SFMBT1: variants seen among roughly 807,000 people sequenced by gnomAD.
The protein encoded by SFMBT1 is scm-like with four MBT domains protein 1.
A neutral mutation model predicts 108.7 loss-of-function variants in SFMBT1; 32 were observed. That is an observed-to-expected ratio of 0.29 (90% confidence interval 0.22 to 0.40). SFMBT1 has a LOEUF of 0.40. SFMBT1 is among the 10% of genes least tolerant of loss of function. The pLI is 1.00. For missense variants in SFMBT1, 816 were observed against 1,059.6 expected, an observed-to-expected ratio of 0.77 and a Z score of 3.19; for synonymous variants, 348 against 369.5, an observed-to-expected ratio of 0.94 and a Z score of 0.67.
chr3:52,972,810 G>A lies in SFMBT1; in HGVS notation c.-130-3552C>T, dbSNP rs1421662236. Reference sequence around the variant, plus strand: ...ACACACACTAGCTGAGTGTGGTGGCGGGCCAATGTGGTAAAACCCCATCTC... The same window carrying A: ...ACACACACTAGCTGAGTGTGGTGGCAGGCCAATGTGGTAAAACCCCATCTC... On this transcript the variant is annotated intron_variant, in intron 1 of 20. Transcript: ENST00000394752. 1.2e-4 allele frequency among the ~76,000 whole-genome samples: 17 copies of A among 140,910 alleles called. No individual in the cohort carries two copies. In the South Asian group the frequency reaches 3.3e-3, roughly 27 times the overall value. 92.4% of individuals were successfully genotyped at this position (140,910 alleles called of 152,430 possible).
intron 9 of SFMBT1, 97 bp downstream of exon 9, chr3:52,928,094 G>C (rs964010808): frequency 1.4e-6 from 2 of 1,478,862 alleles, no homozygotes; most frequent in Non-Finnish European, 1.8e-6. Context: ...GGCTAGGGCA[G>C]GAGGAGAGGG....
intron 1 of SFMBT1, among the ~76,000 whole-genome samples, chr3:52,982,247 A>T (rs904567441): frequency 6.6e-6 from 1 of 152,240 alleles, no homozygotes; most frequent in African/African-American, 2.4e-5. Context: ...TGGAAGGATT[A>T]CACTATTGAA....
Position 52,905,140 on chromosome 3 carries a change from T to G in SFMBT1, c.2597A>C (p.Asn866Thr), listed in dbSNP as rs139862995. The change falls in exon 21 of 21, where the codon AAC becomes ACC. Residue 866 changes from asparagine (N) to threonine (T), a missense_variant. Asn to Thr is a moderately conservative substitution (Grantham distance 65, BLOSUM62 0). Around this residue, in one of 5 missense-constraint regions of SFMBT1, gnomAD observed 49 missense variants for 91.8 expected, o/e 0.53. Coordinates refer to ENST00000394752, the MANE Select transcript of SFMBT1 (RefSeq NM_016329.4). ...AGCTCACTTTGGTTGTCCTTCTCAGTTGGCAAACTGCTCATAAAAAGCAAA... is the reference window on the plus strand; with the variant it reads ...AGCTCACTTTGGTTGTCCTTCTCAGGTGGCAAACTGCTCATAAAAAGCAAA... ...IKFAFYEQFA[N>T] 18 of 1,613,670 alleles carry G rather than the reference T, an allele frequency of 1.1e-5. No homozygotes were observed. The highest frequency in any genetic ancestry group is 1.7e-4 in the Middle Eastern group (1 of 6,056).
At chr3:52,961,418 T>C (rs1210912528) in intron 2 of SFMBT1, among the ~76,000 whole-genome samples, 1 of 152,010 alleles carries the variant, frequency 6.6e-6, no homozygotes, top group Non-Finnish European at 1.5e-5. Context: ...TAAAAATTGT[T>C]AAAACGGCCT....
intron 1 of SFMBT1, among the ~76,000 whole-genome samples, chr3:53,023,710 A>G (rs1699389101): frequency 6.6e-6 from 1 of 152,196 alleles, no homozygotes; most frequent in South Asian, 2.1e-4. Flanking sequence ...CTCCAGTAGC[A>G]TCAGTGAGAA....
chr3:52,966,399 G>C (rs1169887938), intron 2 of SFMBT1, among the ~76,000 whole-genome samples: 3 of 150,916 alleles, frequency 2.0e-5, no homozygotes, highest in Non-Finnish European at 2.9e-5. Flanking sequence ...GCCGAGACAG[G>C]TGGATCACAG....
intron 1 of SFMBT1, among the ~76,000 whole-genome samples, chr3:53,021,009 G>C (rs975266952): frequency 1.3e-5 from 2 of 152,184 alleles, no homozygotes; most frequent in African/African-American, 4.8e-5. Context: ...AGTGAGCTGA[G>C]ATCGCGCCAC....
intron 12 of SFMBT1, among the ~76,000 whole-genome samples, chr3:52,919,204 C>T (rs765291651): frequency 3.9e-5 from 6 of 152,110 alleles, no homozygotes; most frequent in Non-Finnish European, 5.9e-5. Flanking sequence ...AACTATAAAA[C>T]TCTTAGAGAA....
chr3:52,918,859 T>C (rs1702434703), intron 12 of SFMBT1, among the ~76,000 whole-genome samples: 1 of 151,982 alleles, frequency 6.6e-6, no homozygotes, highest in Admixed American at 6.6e-5. Flanking sequence ...TCCCCAACCT[T>C]TTTGGCACCA....
chr3:53,036,359 C>T (rs1699869509), intron 1 of SFMBT1, among the ~76,000 whole-genome samples: 1 of 152,170 alleles, frequency 6.6e-6, no homozygotes, highest in Non-Finnish European at 1.5e-5. Flanking sequence ...CAAAGGGTTC[C>T]ACAACTTTAA....
At chr3:53,021,594 T>C (rs973179498) in intron 1 of SFMBT1, among the ~76,000 whole-genome samples, 2 of 152,194 alleles carry the variant, frequency 1.3e-5, no homozygotes, top group Non-Finnish European at 1.5e-5. Context: ...TGATGGTTGC[T>C]AACAGTGTCT....
At chr3:52,907,832 T>G (rs1294954155) in intron 17 of SFMBT1, 99 bp from the exon 18 acceptor site, 2 of 1,089,052 alleles carry the variant, frequency 1.8e-6, no homozygotes, top group African/African-American at 3.2e-5. Context: ...ACAGGTACAT[T>G]GTATTTGATT....
Position 53,040,063 on chromosome 3 carries a change from T to G in SFMBT1, c.-131+5753A>C, listed in dbSNP as rs1250058981. 3.9e-5 allele frequency among the ~76,000 whole-genome samples: 6 copies of G among 152,256 alleles called. No homozygotes were observed. In the East Asian group the frequency reaches 1.2e-3, roughly 29 times the overall value. ...CAATTCAAAATTACCATATACTATT[T>G]TTAACACAGAAAAAGCATATTTTAG... On this transcript the variant is annotated intron_variant, in intron 1 of 20. Coordinates refer to ENST00000394752, the MANE Select transcript of SFMBT1 (RefSeq NM_016329.4).
intron 1 of SFMBT1, among the ~76,000 whole-genome samples, chr3:52,989,493 G>A (rs1014200302): frequency 6.7e-6 from 1 of 149,746 alleles, no homozygotes; most frequent in African/African-American, 2.4e-5. Flanking sequence ...TCCTACTAAT[G>A]TTCATGTTTT....
At chr3:53,013,756 G>A (rs1429123057) in intron 1 of SFMBT1, among the ~76,000 whole-genome samples, 1 of 147,638 alleles carries the variant, frequency 6.8e-6, no homozygotes, top group South Asian at 2.1e-4. Flanking sequence ...AGCCTCCCAA[G>A]TAGCTAGGAT....
Position 52,935,423 on chromosome 3 carries a change from G to T in SFMBT1, c.365-522C>A, listed in dbSNP as rs557209325. ...GCTGCTTTCACACTACAAAGGTAGGGTTTTAGCAGCTTTGACAGAGATTGT... is the reference window on the plus strand; with the variant it reads ...GCTGCTTTCACACTACAAAGGTAGGTTTTTAGCAGCTTTGACAGAGATTGT... On this transcript the variant is annotated intron_variant, in intron 4 of 20. Coordinates refer to ENST00000394752, the MANE Select transcript of SFMBT1 (RefSeq NM_016329.4). Among the ~76,000 whole-genome samples, 3 of 152,284 alleles carry T rather than the reference G, an allele frequency of 2.0e-5. No homozygotes were observed. In the East Asian group the frequency reaches 5.8e-4, roughly 29 times the overall value.
At chr3:52,918,609 C>T (rs1360094151) in intron 12 of SFMBT1, 83 bp from the exon 13 acceptor site, 1 of 823,704 alleles carries the variant, frequency 1.2e-6, no homozygotes. Context: ...GTTACATTAG[C>T]ATATTTAAAA....
At chr3:52,916,775 C>A (rs1702371112) in intron 13 of SFMBT1, among the ~76,000 whole-genome samples, 1 of 151,894 alleles carries the variant, frequency 6.6e-6, no homozygotes, top group South Asian at 2.1e-4. Context: ...AGCCAATGGA[C>A]AGTCTGTATA....
intron 1 of SFMBT1, among the ~76,000 whole-genome samples, chr3:53,024,252 G>A (rs1427408394): frequency 6.6e-6 from 1 of 151,996 alleles, no homozygotes; most frequent in Non-Finnish European, 1.5e-5. Flanking sequence ...GTTAGAGCCT[G>A]TTCTATGAAA....
Sources: gnomAD v4.1 joint callset for allele counts (sites outside exome capture counted in the v4.1 genomes callset) on GRCh38, gnomAD v4.1.1 for gene constraint, gnomAD v4.1.1 regional missense constraint, MANE v1.5 for transcripts, NCBI Gene and HGNC (gene_info 2026-07-23, HGNC 2026-07-21) for gene names.